The following MBOAT2 variants were observed in gnomAD, a reference collection of about 807,000 sequenced individuals.
MBOAT2 encodes membrane bound glycerophospholipid O-acyltransferase 2.
Under a neutral mutation model 63.4 loss-of-function variants are expected in MBOAT2, and 28 were observed. That is an observed-to-expected ratio of 0.44 (90% CI 0.33 to 0.61). MBOAT2 has a LOEUF of 0.61. MBOAT2 is among the 20% of genes least tolerant of loss of function. The pLI is 0.03. For missense variants in MBOAT2, 470 were observed against 605.8 expected (o/e 0.78, Z 2.35); for synonymous variants, 211 against 215.6 (o/e 0.98, Z 0.19).
intron 3 of MBOAT2, among the ~76,000 whole-genome samples, chr2:8,911,244 C>G (rs1665688486): frequency 6.6e-6 from 1 of 152,166 alleles, no homozygotes; most frequent in Non-Finnish European, 1.5e-5. Context: ...CTCCAACAAC[C>G]CTCATCCAGA....
At chr2:8,905,044 A>C (rs754555012) in intron 4 of MBOAT2, among the ~76,000 whole-genome samples, 5 of 152,294 alleles carry the variant, frequency 3.3e-5, no homozygotes, top group Non-Finnish European at 5.9e-5. Flanking sequence ...TGTGCAAGTA[A>C]AACTGTCCCA....
chr2:8,970,596 G>A (rs564563215), intron 1 of MBOAT2, among the ~76,000 whole-genome samples: 3 of 152,104 alleles, frequency 2.0e-5, no homozygotes, highest in East Asian at 3.9e-4. Flanking sequence ...TGGTTTTTTG[G>A]AAGATCAACA....
intron 3 of MBOAT2, among the ~76,000 whole-genome samples, chr2:8,918,843 T>C (rs1573049450): frequency 6.6e-6 from 1 of 152,240 alleles, no homozygotes; most frequent in East Asian, 1.9e-4. Context: ...TTAGTAAATG[T>C]GTAGAGTTGT....
chr2:8,929,362 A>C lies in MBOAT2; in HGVS notation c.299+13825T>G, dbSNP rs1293680642. ...CATTCATTCATTCATTCATTCATTC[A>C]TTCATTTGAGAAAGGGTCTCACTTT... On this transcript the variant is annotated intron_variant, in intron 3 of 12. Transcript: ENST00000305997. Among the ~76,000 whole-genome samples, 3 of 151,296 alleles carry C rather than the reference A, an allele frequency of 2.0e-5. No homozygotes were observed. The East Asian group carries it at 5.8e-4, about 29-fold the overall frequency.
chr2:8,971,941 C>A (rs1315020109), intron 1 of MBOAT2, among the ~76,000 whole-genome samples: 2 of 152,120 alleles, frequency 1.3e-5, no homozygotes, highest in African/African-American at 4.8e-5. Flanking sequence ...GGCCATACTG[C>A]CCAAGGTAAT....
intron 1 of MBOAT2, among the ~76,000 whole-genome samples, chr2:8,983,617 G>C (rs751700300): frequency 2.0e-5 from 3 of 152,152 alleles, no homozygotes; most frequent in Admixed American, 6.5e-5. Context: ...TTCCAAACTG[G>C]ACCCTGTTGC....
In MBOAT2 at chr2:8,862,746, G is replaced by A. The variant is rs775062830; in HGVS notation, c.1053-24C>T. 2 of 1,598,000 alleles carry A rather than the reference G, an allele frequency of 1.3e-6. No homozygotes were observed. Among genetic ancestry groups the A allele is most frequent in the African/African-American group, 2.7e-5 (2 of 74,038 alleles). ...CCCTAGAAACCATGAAAAACATGGA[G>A]AGCCAAGTGGAGTGAGTGACCCGAG... On this transcript the variant is annotated intron_variant, in intron 10 of 12. Coordinates refer to ENST00000305997, the MANE Select transcript of MBOAT2 (RefSeq NM_138799.4). The surrounding 1 kb of genome is among the most constrained non-coding windows in gnomAD (Gnocchi z 4.3).
chr2:8,928,246 A>G (rs531636223), intron 3 of MBOAT2, among the ~76,000 whole-genome samples: 1 of 152,332 alleles, frequency 6.6e-6, no homozygotes, highest in African/African-American at 2.4e-5. Flanking sequence ...AAACCATATC[A>G]GTAAGCAAGC....
rs549895490 is a variant in MBOAT2 at position 8,951,060 on chromosome 2, G to A, written c.221+7437C>T. On this transcript the variant is annotated intron_variant, in intron 2 of 12. Transcript: ENST00000305997. Reference sequence around the variant, plus strand: ...CTATGGTATTTTTGCATCTATGTTCGTCAGGGATATTGGCCTGTAGTTTTC... The same window carrying A: ...CTATGGTATTTTTGCATCTATGTTCATCAGGGATATTGGCCTGTAGTTTTC... 6.6e-5 allele frequency among the ~76,000 whole-genome samples: 10 copies of A among 152,172 alleles called. No homozygotes were observed. In the South Asian group the frequency reaches 1.0e-3, roughly 16 times the overall value.
chr2:8,987,461 A>T (rs978598502), intron 1 of MBOAT2, among the ~76,000 whole-genome samples: 1 of 152,230 alleles, frequency 6.6e-6, no homozygotes, highest in African/African-American at 2.4e-5. Context: ...TTCGATTAAA[A>T]TTTTTTAAAA....
At chr2:8,882,642 A>G (rs1451523170) in intron 5 of MBOAT2, 77 bp from the exon 6 acceptor site, 1 of 1,265,184 alleles carries the variant, frequency 7.9e-7, no homozygotes, top group Non-Finnish European at 1.2e-6. Context: ...CACTTTCATT[A>G]CTTTCCTCAT....
At chr2:8,995,012 G>A (rs1009594342) in intron 1 of MBOAT2, among the ~76,000 whole-genome samples, 1 of 152,194 alleles carries the variant, frequency 6.6e-6, no homozygotes, top group Non-Finnish European at 1.5e-5. Flanking sequence ...CAATTTACTC[G>A]GCATGTGTGG....
chr2:8,926,922 C>T (rs60475277), intron 3 of MBOAT2, among the ~76,000 whole-genome samples: 3,959 of 152,240 alleles, frequency 0.026, 136 homozygotes, highest in African/African-American at 0.083. Flanking sequence ...CTACATGCCC[C>T]GGGCTGCTCT....
intron 5 of MBOAT2, among the ~76,000 whole-genome samples, chr2:8,886,737 T>C (rs926272050): frequency 3.3e-5 from 5 of 152,216 alleles, no homozygotes; most frequent in Non-Finnish European, 5.9e-5. Context: ...ATATATATTG[T>C]CATCAGATAC....
At chr2:8,978,940 T>G (rs796908627) in intron 1 of MBOAT2, among the ~76,000 whole-genome samples, 1 of 152,122 alleles carries the variant, frequency 6.6e-6, no homozygotes, top group Non-Finnish European at 1.5e-5. Context: ...TCCACACTCA[T>G]GTGTGAGATG....
At chr2:8,998,171 A>G (rs1672437177) in intron 1 of MBOAT2, among the ~76,000 whole-genome samples, 1 of 152,232 alleles carries the variant, frequency 6.6e-6, no homozygotes, top group Non-Finnish European at 1.5e-5. Context: ...CATATCTAAA[A>G]CCGTTAACTG....
chr2:8,985,402 G>A (rs1270878445), intron 1 of MBOAT2, among the ~76,000 whole-genome samples: 1 of 152,074 alleles, frequency 6.6e-6, no homozygotes, highest in Admixed American at 6.6e-5. Context: ...CCCCCAAATA[G>A]AATATTGAGA....
At chr2:8,989,212 A>AT (rs1671762202) in intron 1 of MBOAT2, among the ~76,000 whole-genome samples, 1 of 152,104 alleles carries the variant, frequency 6.6e-6, no homozygotes, top group South Asian at 2.1e-4. Context: ...TAGGTAACAC[A>AT]TTTCCAGCAC....
rs1262953867 is a variant in MBOAT2 at position 8,854,622 on chromosome 2, CTAA to C, written c.*4054_*4056del. 1.3e-5 allele frequency: 2 copies of C among 152,044 alleles called. No homozygotes were observed. Among genetic ancestry groups the C allele is most frequent in the Non-Finnish European group, 2.9e-5 (2 of 68,002 alleles). The allele number at this position is 152,044 out of a possible 1,614,324, so 9.4% of individuals were successfully genotyped here. ...ATGTAGAACTGTTAAGACCAATTAA[CTAA>C]TAATTGTGAACAGTTGATAAGGAAA... On this transcript the variant is annotated 3_prime_UTR_variant, in exon 13 of 13. Coordinates refer to ENST00000305997, the MANE Select transcript of MBOAT2 (RefSeq NM_138799.4).
Sources: allele counts gnomAD v4.1 joint callset (sites outside exome capture counted in the v4.1 genomes callset), GRCh38; gene constraint gnomAD v4.1.1; non-coding constraint Gnocchi (gnomAD v3.1); transcripts MANE v1.5; gene names NCBI Gene and HGNC (gene_info 2026-07-23, HGNC 2026-07-21).